NKAIN3: variants seen among roughly 807,000 people sequenced by gnomAD.
NKAIN3 encodes the protein sodium/potassium transporting ATPase interacting 3.
A neutral mutation model predicts 30.2 loss-of-function variants in NKAIN3; 25 were observed. The observed-to-expected ratio is 0.83, with a 90% CI of 0.60 to 1.16. The LOEUF (loss-of-function observed/expected upper bound fraction) is 1.16, where lower values mean the gene tolerates loss of function less well. NKAIN3 is among the 50% of genes most tolerant of loss of function. The probability of loss-of-function intolerance (pLI) is 0.00; values close to 1 mark genes in which losing one functional copy is unlikely to be tolerated. For synonymous variants in NKAIN3, 91 were observed against 89.6 expected, an observed-to-expected ratio of 1.02 and a Z score of -0.09; for missense variants, 225 against 254.1, an observed-to-expected ratio of 0.89 and a Z score of 0.78.
intron 1 of NKAIN3, among the ~76,000 whole-genome samples, chr8:62,518,760 T>C (rs1460159823): frequency 6.6e-6 from 1 of 152,174 alleles, no homozygotes; most frequent in East Asian, 1.9e-4. Flanking sequence ...AAATAGTTTG[T>C]CTGTGTATTT....
chr8:62,252,687 T>A (rs940492763), intron 1 of NKAIN3, among the ~76,000 whole-genome samples: 1 of 152,220 alleles, frequency 6.6e-6, no homozygotes, highest in African/African-American at 2.4e-5. Context: ...TAATTTTTTT[T>A]AAAGAAGTGA....
intron 1 of NKAIN3, among the ~76,000 whole-genome samples, chr8:62,321,276 G>A (rs190107254): frequency 3.3e-5 from 5 of 152,058 alleles, no homozygotes; most frequent in East Asian, 1.9e-4. Flanking sequence ...CCATGGGTTC[G>A]AACTTCCTCC....
chr8:62,938,342 G>C (rs1365815023), intron 5 of NKAIN3, among the ~76,000 whole-genome samples: 1 of 152,064 alleles, frequency 6.6e-6, no homozygotes, highest in Non-Finnish European at 1.5e-5. Flanking sequence ...CCCCAAGAAA[G>C]GAGAAAACAA....
At chr8:62,863,656 T>A (rs1820327561) in intron 4 of NKAIN3, 1 of 1,345,726 alleles carries the variant, frequency 7.4e-7, no homozygotes, top group Non-Finnish European at 1.1e-6. Context: ...GATAACTTTC[T>A]CGAACACATT....
chr8:62,825,735 A>C (rs1284094750), intron 4 of NKAIN3, among the ~76,000 whole-genome samples: 1 of 152,156 alleles, frequency 6.6e-6, no homozygotes, highest in Non-Finnish European at 1.5e-5. Flanking sequence ...GAGGCTCCCC[A>C]GATAATCTTC....
chr8:62,989,358 C>T (rs1244274568), downstream of NKAIN3, among the ~76,000 whole-genome samples: 1 of 152,160 alleles, frequency 6.6e-6, no homozygotes, highest in Non-Finnish European at 1.5e-5. Flanking sequence ...GTTTAATGTA[C>T]TCACAGTTCC....
chr8:62,677,702 C>G (rs1357354035), intron 3 of NKAIN3, among the ~76,000 whole-genome samples: 1 of 152,178 alleles, frequency 6.6e-6, no homozygotes, highest in African/African-American at 2.4e-5. Context: ...TGCACTGATT[C>G]TGAGGTCACA....
At chr8:62,364,190 T>C (rs2129592726) in intron 1 of NKAIN3, among the ~76,000 whole-genome samples, 1 of 152,310 alleles carries the variant, frequency 6.6e-6, no homozygotes, top group East Asian at 1.9e-4. Context: ...GTAGGTCCAT[T>C]AAATGAAAGC....
intron 1 of NKAIN3, among the ~76,000 whole-genome samples, chr8:62,490,032 G>T (rs776908569): frequency 2.8e-4 from 42 of 152,104 alleles, no homozygotes; most frequent in Non-Finnish European, 5.7e-4. Context: ...TTAAAATATG[G>T]AAAATACTAC....
chr8:62,706,183 G>A (rs1474032531), intron 3 of NKAIN3, among the ~76,000 whole-genome samples: 5 of 152,030 alleles, frequency 3.3e-5, no homozygotes, highest in African/African-American at 2.4e-5. Flanking sequence ...GAAAGAGCTG[G>A]GGGTGTTTGC....
chr8:62,832,273 AC>A (rs1203932346), intron 4 of NKAIN3, among the ~76,000 whole-genome samples: 23 of 143,716 alleles, frequency 1.6e-4, no homozygotes, highest in Non-Finnish European at 3.0e-4. Flanking sequence ...ACACACACAC[AC>A]ACACACACAC....
At chr8:62,275,977 G>T (rs868481164) in intron 1 of NKAIN3, among the ~76,000 whole-genome samples, 1 of 152,132 alleles carries the variant, frequency 6.6e-6, no homozygotes, top group African/African-American at 2.4e-5. Flanking sequence ...TACCCAAAAG[G>T]TTGGAAATGT....
chr8:62,421,008 A>G (rs183346640), intron 1 of NKAIN3, among the ~76,000 whole-genome samples: 195 of 152,328 alleles, frequency 1.3e-3, no homozygotes, highest in African/African-American at 4.6e-3. Flanking sequence ...GGTCTTAAAC[A>G]TGGCAGATAA....
chr8:62,494,500 C>A (rs1807173109), intron 1 of NKAIN3, among the ~76,000 whole-genome samples: 1 of 151,946 alleles, frequency 6.6e-6, no homozygotes, highest in Non-Finnish European at 1.5e-5. Context: ...GTGTCTCTGC[C>A]AGGTTTTGGT....
At chr8:62,995,289 A>G (rs1804084214) in intron 5 of NKAIN3, among the ~76,000 whole-genome samples, 1 of 152,216 alleles carries the variant, frequency 6.6e-6, no homozygotes, top group Non-Finnish European at 1.5e-5. Context: ...AATGGTGAGA[A>G]GTGGATATTT....
intron 4 of NKAIN3, among the ~76,000 whole-genome samples, chr8:62,903,212 G>T (rs1821664856): frequency 6.6e-6 from 1 of 152,130 alleles, no homozygotes; most frequent in Non-Finnish European, 1.5e-5. Context: ...GATTCATTTG[G>T]AGTCCAGGGT....
Position 62,546,614 on chromosome 8 carries a change from G to T in NKAIN3, c.55-32925G>T, listed in dbSNP as rs912947152. On this transcript the variant is annotated intron_variant, in intron 1 of 6. Transcript: ENST00000623646. Reference sequence around the variant, plus strand: ...ACTTTGGTGAATTTTCACTGTTTTGGTGTCTTCATCATTATCACTGTTTGG... The same window carrying T: ...ACTTTGGTGAATTTTCACTGTTTTGTTGTCTTCATCATTATCACTGTTTGG... Among the ~76,000 whole-genome samples, 5 of 152,090 alleles carry T rather than the reference G, an allele frequency of 3.3e-5. No homozygotes were observed. In the East Asian group the frequency reaches 7.7e-4, roughly 23 times the overall value.
At position 62,958,674 on chromosome 8, in the gene NKAIN3, A is replaced by G. The variant is rs375573666; in HGVS notation, c.603+4702A>G. On this transcript the variant is annotated intron_variant, in intron 6 of 6. Coordinates refer to ENST00000623646, the MANE Select transcript of NKAIN3 (RefSeq NM_001304533.3). ...TAGCATGGCATAAACATATACAGCT[A>G]TCAAAGAGATATGGAATTTCAGAGA... Among the ~76,000 whole-genome samples, 50 of 152,340 alleles carry G rather than the reference A, an allele frequency of 3.3e-4. 1 individual carries two copies. The highest frequency in any genetic ancestry group is 1.2e-3 in the African/African-American group (49 of 41,580).
At chr8:62,679,865 C>T (rs1185136234) in intron 3 of NKAIN3, among the ~76,000 whole-genome samples, 3 of 152,064 alleles carry the variant, frequency 2.0e-5, no homozygotes, top group Admixed American at 1.3e-4. Flanking sequence ...GGGGTGGGGA[C>T]ACAGATTCAA....
Sources: gnomAD v4.1 joint callset for allele counts (sites outside exome capture counted in the v4.1 genomes callset) on GRCh38, gnomAD v4.1.1 for gene constraint, MANE v1.5 for transcripts, NCBI Gene and HGNC (gene_info 2026-07-23, HGNC 2026-07-21) for gene names.